The following NEURL1 variants were observed in gnomAD, a reference collection of about 807,000 sequenced individuals.
The protein encoded by NEURL1 is E3 ubiquitin-protein ligase NEURL1.
NEURL1 carries 26 observed loss-of-function variants against 41.2 expected under a neutral mutation model. The ratio of observed to expected loss-of-function variants is 0.63; its 90% CI spans 0.46 to 0.87. NEURL1 has a LOEUF of 0.87. NEURL1 is among the 40% of genes least tolerant of loss of function. The pLI is 0.00. For synonymous variants in NEURL1, 400 were observed against 402.3 expected (o/e 0.99, Z 0.07); for missense variants, 761 against 871.1 (o/e 0.87, Z 1.59).
chr10:103,539,728 G>A (rs2034777674), intron 1 of NEURL1, among the ~76,000 whole-genome samples: 1 of 152,226 alleles, frequency 6.6e-6, no homozygotes, highest in African/African-American at 2.4e-5. Context: ...TGTGTCCAAT[G>A]AAAAGACCAC....
intron 1 of NEURL1, among the ~76,000 whole-genome samples, chr10:103,536,583 T>A (rs535128665): frequency 2.0e-5 from 3 of 152,090 alleles, no homozygotes; most frequent in Non-Finnish European, 4.4e-5. Context: ...TATATACCTA[T>A]ATCATTGTTT....
intron 3 of NEURL1, among the ~76,000 whole-genome samples, chr10:103,583,126 G>A (rs911333927): frequency 2.6e-5 from 4 of 152,108 alleles, no homozygotes; most frequent in African/African-American, 9.7e-5. Context: ...ATATGGTGTT[G>A]GAAACAGTTA....
At chr10:103,516,213 G>C (rs2034201469) in intron 1 of NEURL1, among the ~76,000 whole-genome samples, 1 of 128,994 alleles carries the variant, frequency 7.8e-6, no homozygotes, top group Non-Finnish European at 1.6e-5. Context: ...GGGTGATAGA[G>C]TGAGACCCCA....
chr10:103,577,828 G>A (rs1280773669), intron 3 of NEURL1: 5 of 152,234 alleles, frequency 3.3e-5, no homozygotes, highest in African/African-American at 1.2e-4. Context: ...AGGCTCCCGA[G>A]GGCTTTGTCT....
At chr10:103,579,378 T>C (rs2133882009) in intron 3 of NEURL1, among the ~76,000 whole-genome samples, 1 of 152,296 alleles carries the variant, frequency 6.6e-6, no homozygotes, top group East Asian at 1.9e-4. Flanking sequence ...GGTTATTTAC[T>C]GTAAAGGAGA....
At chr10:103,530,136 C>CA (rs55703604) in intron 1 of NEURL1, among the ~76,000 whole-genome samples, 30 of 151,702 alleles carry the variant, frequency 2.0e-4, no homozygotes, top group African/African-American at 6.5e-4. Flanking sequence ...TTTATTCTCT[C>CA]AAAAAAAACC....
At chr10:103,565,574 C>T (rs1019172668) in intron 1 of NEURL1, among the ~76,000 whole-genome samples, 1 of 152,170 alleles carries the variant, frequency 6.6e-6, no homozygotes. Flanking sequence ...ATGGGGGTGC[C>T]GTGGTGGTGA....
chr10:103,527,626 G>A (rs1367024532), intron 1 of NEURL1, among the ~76,000 whole-genome samples: 5 of 151,994 alleles, frequency 3.3e-5, no homozygotes, highest in Admixed American at 2.0e-4. Flanking sequence ...CAGGGTCTTC[G>A]TGACTTGTAT....
At chr10:103,557,207 T>C (rs1253248004) in intron 1 of NEURL1, among the ~76,000 whole-genome samples, 1 of 152,068 alleles carries the variant, frequency 6.6e-6, no homozygotes, top group African/African-American at 2.4e-5. Flanking sequence ...GTGGGAGGAT[T>C]GCTTGAGCCC....
chr10:103,546,972 G>A (rs760029951), intron 1 of NEURL1, among the ~76,000 whole-genome samples: 1 of 152,198 alleles, frequency 6.6e-6, no homozygotes, highest in Non-Finnish European at 1.5e-5. Context: ...GTAAGGAAGG[G>A]TAAGGTCAGG....
At chr10:103,571,161 C>T (rs754053280) in intron 2 of NEURL1, 48 bp downstream of exon 2, 4 of 1,580,752 alleles carry the variant, frequency 2.5e-6, no homozygotes, top group Non-Finnish European at 2.6e-6. Context: ...TCCTGCTCCC[C>T]TCATGGCATC....
At chr10:103,586,285 A>G (rs1287460184) in intron 4 of NEURL1, among the ~76,000 whole-genome samples, 1 of 152,072 alleles carries the variant, frequency 6.6e-6, no homozygotes, top group Admixed American at 6.6e-5. Context: ...TGTACCCCAG[A>G]GTGAGCAGGT....
rs1007471626 is a variant in NEURL1, at chr10:103,566,794, G to T, written c.86-4078G>T. Among the ~76,000 whole-genome samples, 2 of 152,134 alleles carry T rather than the reference G, an allele frequency of 1.3e-5. No individual in the cohort carries two copies. The highest frequency in any genetic ancestry group is 4.8e-5 in the African/African-American group (2 of 41,412). On this transcript the variant is annotated intron_variant, in intron 1 of 5. Coordinates refer to ENST00000369780, the MANE Select transcript of NEURL1 (RefSeq NM_004210.5). This position sits in a 1 kb window ranked among gnomAD's most constrained non-coding sequence, Gnocchi z 4.2. ...ACCATTCTCAACACTGGCTTTCCAGGTTGTGTCGTGTCCCAACAGGAATGT... is the reference window on the plus strand; with the variant it reads ...ACCATTCTCAACACTGGCTTTCCAGTTTGTGTCGTGTCCCAACAGGAATGT...
chr10:103,565,046 G>A (rs1162637915), intron 1 of NEURL1, among the ~76,000 whole-genome samples: 1 of 152,172 alleles, frequency 6.6e-6, no homozygotes, highest in African/African-American at 2.4e-5. Flanking sequence ...GAAGAGTGGC[G>A]AGGCCTGAGT....
intron 3 of NEURL1, among the ~76,000 whole-genome samples, chr10:103,579,993 C>T (rs1423684022): frequency 1.3e-5 from 2 of 152,088 alleles, no homozygotes; most frequent in African/African-American, 4.8e-5. Context: ...TAAGCCTTGC[C>T]CCTTCCACTG....
chr10:103,568,979 T>C (rs1320076183), intron 1 of NEURL1, among the ~76,000 whole-genome samples: 1 of 152,150 alleles, frequency 6.6e-6, no homozygotes, highest in African/African-American at 2.4e-5. Flanking sequence ...CACGCCCAGC[T>C]AATTTTTGTA....
chr10:103,584,870 C>T lies in NEURL1; in HGVS notation c.984C>T (p.Thr328=), dbSNP rs143892486. ...GCGACGAGCGCGCGCTCGTCTTCAC[C>T]AGCCGGCCCGTGCGCGTGGCCGAGA... ...HGRDERALVF[T]SRPVRVAETI... Residue 328 remains threonine, a synonymous_variant, in exon 4 of 6, where the codon ACC becomes ACT. Transcript: ENST00000369780. 2,253 of 1,425,978 alleles carry T rather than the reference C, an allele frequency of 1.6e-3. 27 individuals carry two copies. The African/African-American group carries it at 0.028, about 18-fold the overall frequency. 88.3% of individuals were successfully genotyped at this position (1,425,978 alleles called of 1,614,324 possible).
At chr10:103,555,997 G>A (rs905948472) in intron 1 of NEURL1, among the ~76,000 whole-genome samples, 1 of 152,228 alleles carries the variant, frequency 6.6e-6, no homozygotes, top group African/African-American at 2.4e-5. Flanking sequence ...CACCTGTGCC[G>A]GCTTGTGCCT....
intron 1 of NEURL1, among the ~76,000 whole-genome samples, chr10:103,534,892 C>T (rs1412952652): frequency 1.3e-5 from 2 of 152,148 alleles, no homozygotes; most frequent in African/African-American, 2.4e-5. Flanking sequence ...CTGAAGCACC[C>T]GCTATCAGCT....
Sources: gnomAD v4.1 joint callset for allele counts (sites outside exome capture counted in the v4.1 genomes callset) on GRCh38, gnomAD v4.1.1 for gene constraint, Gnocchi (gnomAD v3.1) non-coding constraint, MANE v1.5 for transcripts, NCBI Gene and HGNC (gene_info 2026-07-23, HGNC 2026-07-21) for gene names.